Variants in FZR1 observed in about 807,000 individuals in gnomAD.
The protein encoded by FZR1 is fizzy-related protein homolog.
A neutral mutation model predicts 63.6 loss-of-function variants in FZR1; 11 were observed. That is an observed-to-expected ratio of 0.17 (90% CI 0.11 to 0.29). The LOEUF is 0.29. Among genes scored for constraint, FZR1 ranks in the 10% least tolerant of loss-of-function variants. The pLI is 1.00. For missense variants in FZR1, 440 were observed against 687.5 expected, an observed-to-expected ratio of 0.64 and a Z score of 4.03; for synonymous variants, 328 against 297.9, an observed-to-expected ratio of 1.10 and a Z score of -1.04.
At chr19:3,528,911 TGAGTGGATGGGA>T (rs987339926) in intron 7 of FZR1, among the ~76,000 whole-genome samples, 4 of 133,790 alleles carry the variant, frequency 3.0e-5, no homozygotes, top group African/African-American at 8.6e-5. Flanking sequence ...AGTGGATGTT[TGAGTGGATGGGA>T]GAGTGTATGG....
In FZR1 at chr19:3,523,032, A is replaced by G. The variant is rs945817176; in HGVS notation, c.43A>G (p.Ile15Val). The change falls in exon 2 of 14, where the codon ATC becomes GTC. Residue 15 changes from isoleucine (I) to valine (V), a missense_variant. Coordinates refer to ENST00000441788, the MANE Select transcript of FZR1 (RefSeq NM_016263.4). ...YERRLLRQIV[I>V]QNENTMPRVT... ...GCGGCGCCTGCTTCGCCAGATCGTCATCCAGAATGAGAACACGATGCCACG... is the reference window on the plus strand; with the variant it reads ...GCGGCGCCTGCTTCGCCAGATCGTCGTCCAGAATGAGAACACGATGCCACG... 1.9e-6 allele frequency: 3 copies of G among 1,610,404 alleles called. No homozygotes were observed. Among genetic ancestry groups the G allele is most frequent in the Non-Finnish European group, 2.5e-6 (3 of 1,177,926 alleles).
In FZR1 at chr19:3,533,558, T is replaced by C; in HGVS notation, c.1347+160T>C. 1 of 603,234 alleles carries C rather than the reference T, an allele frequency of 1.7e-6. No homozygotes were observed. The highest frequency in any genetic ancestry group is 3.0e-6 in the Non-Finnish European group (1 of 334,070). The allele number at this position is 603,234 out of a possible 1,614,324, so 37.4% of individuals were successfully genotyped here. On this transcript the variant is annotated intron_variant, in intron 12 of 13. Transcript: ENST00000441788. The surrounding 1 kb of genome is among the most constrained non-coding windows in gnomAD (Gnocchi z 4.9). ...GGCCGGCAGGGCATCTGGTGCTGGT[T>C]GTGTTGCCAGCGTTGGAATGGGCTC...
At position 3,530,374 on chromosome 19, in the gene FZR1, G is replaced by GGATGGGTGAGCA. The variant is rs1316751753; in HGVS notation, c.655-406_655-395dup. ...CAGAAGGGAGAGCGGATGGGAGAGCGGATGGGTGAGCAGATGGGTGAGCGG... is the reference window on the plus strand; with the variant it reads ...CAGAAGGGAGAGCGGATGGGAGAGCGGATGGGTGAGCAGATGGGTGAGCAGATGGGTGAGCGG... On this transcript the variant is annotated intron_variant, in intron 7 of 13. Coordinates refer to ENST00000441788, the MANE Select transcript of FZR1 (RefSeq NM_016263.4). Among the ~76,000 whole-genome samples the GGATGGGTGAGCA allele has an allele frequency of 1.0e-4, 13 of 128,510 alleles. 1 individual carries two copies. In the South Asian group the frequency reaches 3.4e-3, roughly 34 times the overall value. The allele number at this position is 128,510 out of a possible 152,430, so 84.3% of individuals were successfully genotyped here. A position where few individuals can be genotyped will look rare whatever the true frequency, so the allele number is the denominator to read the frequency against.
In FZR1 at chr19:3,525,608, G is replaced by A. The variant is rs1444612011; in HGVS notation, c.70-260G>A. ...CAGGCGCCTGCCACCACGCCCGGCTGATTTTTTGTATTTTTAGTAGAGACG... is the reference window on the plus strand; with the variant it reads ...CAGGCGCCTGCCACCACGCCCGGCTAATTTTTTGTATTTTTAGTAGAGACG... On this transcript the variant is annotated intron_variant, in intron 2 of 13. Transcript: ENST00000441788. The surrounding 1 kb of genome is among the most constrained non-coding windows in gnomAD (Gnocchi z 4.2). Among the ~76,000 whole-genome samples, 5 of 151,902 alleles carry A rather than the reference G, an allele frequency of 3.3e-5. No individual in the cohort carries two copies. The highest frequency in any genetic ancestry group is 1.9e-4 in the East Asian group (1 of 5,152).
Position 3,522,979 on chromosome 19 carries a change from C to T in FZR1, c.-11C>T. 1 of 1,606,546 alleles carries T rather than the reference C, an allele frequency of 6.2e-7. No homozygotes were observed. Among genetic ancestry groups the T allele is most frequent in the Non-Finnish European group, 8.5e-7 (1 of 1,174,192 alleles). On this transcript the variant is annotated 5_prime_UTR_variant, in exon 2 of 14. Coordinates refer to ENST00000441788, the MANE Select transcript of FZR1 (RefSeq NM_016263.4). Reference sequence around the variant, plus strand: ...AGGCTAACCTTGCCGCGGGCCGAGCCCTGCCTCGCCATGGACCAGGACTAT... The same window carrying T: ...AGGCTAACCTTGCCGCGGGCCGAGCTCTGCCTCGCCATGGACCAGGACTAT...
At chr19:3,521,094 C>T (rs1341659594) in intron 1 of FZR1, among the ~76,000 whole-genome samples, 3 of 152,178 alleles carry the variant, frequency 2.0e-5, no homozygotes, top group Non-Finnish European at 2.9e-5. Context: ...CGCGCTGGTT[C>T]GTCCCTCACC....
Position 3,531,787 on chromosome 19 carries a change from C to G in FZR1, c.794C>G (p.Ser265Cys). 6.5e-7 allele frequency: 1 copy of G among 1,550,352 alleles called. No homozygotes were observed. Among genetic ancestry groups the G allele is most frequent in the Non-Finnish European group, 8.7e-7 (1 of 1,146,738 alleles). ...IWDAAAGKKLSMLEGHTARVG... is the reference protein window; with the variant it reads ...IWDAAAGKKLCMLEGHTARVG... ...GACGCAGCCGCAGGGAAGAAGCTGT[C>G]CATGTTGGAGGGCCACACGGCACGC... is the stretch of plus-strand genomic sequence containing the variant. The change falls in exon 9 of 14, where the codon TCC becomes TGC. Residue 265 changes from serine (S) to cysteine (C), a missense_variant. Coordinates refer to ENST00000441788, the MANE Select transcript of FZR1 (RefSeq NM_016263.4).
chr19:3,521,444 G>C (rs1053173585), intron 1 of FZR1: 5 of 152,130 alleles, frequency 3.3e-5, no homozygotes, highest in African/African-American at 9.7e-5. Context: ...GAAAGTTCTA[G>C]AGATGACCGT....
chr19:3,530,984 G>C (rs2083241187), intron 8 of FZR1, 127 bp downstream of exon 8: 3 of 650,356 alleles, frequency 4.6e-6, no homozygotes, highest in Admixed American at 2.6e-5. Context: ...ATAGGTCTGT[G>C]TCCCCCACTG....
At chr19:3,528,185 G>A (rs1376500696) in intron 7 of FZR1, among the ~76,000 whole-genome samples, 5 of 152,180 alleles carry the variant, frequency 3.3e-5, no homozygotes, top group Non-Finnish European at 2.9e-5. Flanking sequence ...CTGAGCCCAG[G>A]GGCCACTATG....
chr19:3,528,933 G>GGAGTGGATGGGAGAGCGGATGGGT (rs1182649244), intron 7 of FZR1, among the ~76,000 whole-genome samples: 2 of 143,972 alleles, frequency 1.4e-5, no homozygotes, highest in African/African-American at 5.1e-5. Flanking sequence ...AGAGTGTATG[G>GGAGTGGATGGGAGAGCGGATGGGT]GAGTGGATGG....
rs750762 is a variant in FZR1, at chr19:3,533,057, G to A, written c.1243-237G>A. On this transcript the variant is annotated intron_variant, in intron 11 of 13. Transcript: ENST00000441788. The surrounding 1 kb of genome is among the most constrained non-coding windows in gnomAD (Gnocchi z 4.9). ...GTGGGGCAGAGGGGCTGTGGGCCCC[G>A]TTTGGGTCCTTGTTGGGCTCCAGCC... Among the ~76,000 whole-genome samples, 27,417 of 152,114 alleles carry A rather than the reference G, an allele frequency of 0.18. 2,716 individuals carry two copies. Among genetic ancestry groups the A allele is most frequent in the Middle Eastern group, 0.24 (72 of 294 alleles).
chr19:3,532,753 C>T (rs1050931401), intron 11 of FZR1, 103 bp downstream of exon 11: 26 of 818,374 alleles, frequency 3.2e-5, no homozygotes, highest in African/African-American at 6.8e-5. Flanking sequence ...GGGTCAGAGT[C>T]GCTCTGAAGG....
Position 3,514,569 on chromosome 19 carries a change from C to T in FZR1, c.-35+8095C>T, listed in dbSNP as rs2083045296. ...TAAGACCCCCTGGGTTATGGGATTC[C>T]ATGGACCCCCAAGAGACTCTGCGTC... On this transcript the variant is annotated intron_variant, in intron 1 of 13. Coordinates refer to ENST00000441788, the MANE Select transcript of FZR1 (RefSeq NM_016263.4). The surrounding 1 kb of genome is among the most constrained non-coding windows in gnomAD (Gnocchi z 4.2). 6.6e-6 allele frequency among the ~76,000 whole-genome samples: 1 copy of T among 152,136 alleles called. No homozygotes were observed. The highest frequency in any genetic ancestry group is 2.4e-5 in the African/African-American group (1 of 41,428).
rs948552554 is a variant in FZR1 at position 3,515,642 on chromosome 19, C to G, written c.-34-7314C>G. Among the ~76,000 whole-genome samples the G allele has an allele frequency of 4.3e-4, 66 of 151,936 alleles. No homozygotes were observed. Among genetic ancestry groups the G allele is most frequent in the Non-Finnish European group, 2.1e-4 (14 of 67,968 alleles). On this transcript the variant is annotated intron_variant, in intron 1 of 13. Coordinates refer to ENST00000441788, the MANE Select transcript of FZR1 (RefSeq NM_016263.4). The surrounding 1 kb of genome is among the most constrained non-coding windows in gnomAD (Gnocchi z 4.6). ...AATTAGGCACTACAGTGGCGGGCCC[C>G]TGTAGTCCCAGCTACTCGGGAGGCT...
At chr19:3,532,366 A>C (rs1215677354) in intron 10 of FZR1, 51 bp from the exon 11 acceptor site, 1 of 1,436,162 alleles carries the variant, frequency 7.0e-7, no homozygotes, top group East Asian at 2.4e-5. Context: ...GGACCGGCCT[A>C]TGGGACCACA....
Position 3,532,286 on chromosome 19 carries a change from C to T in FZR1, c.1009-131C>T, listed in dbSNP as rs529585979. The stretch of plus-strand genomic sequence containing the variant: ...GGCACAGGGTGACGAGTGTGTGCCC[C>T]CAGGGGTCCTTGAGGGAGCAGCAGG... On this transcript the variant is annotated intron_variant, in intron 10 of 13. Transcript: ENST00000441788. 2.8e-5 allele frequency: 24 copies of T among 856,758 alleles called. 1 individual carries two copies. In the South Asian group the frequency reaches 3.9e-4, roughly 14 times the overall value. 53.1% of individuals were successfully genotyped at this position (856,758 alleles called of 1,614,324 possible).
intron 1 of FZR1, among the ~76,000 whole-genome samples, chr19:3,521,776 A>G (rs1406426726): frequency 3.9e-5 from 6 of 152,080 alleles, no homozygotes; most frequent in Non-Finnish European, 7.4e-5. Context: ...TTGGGATTAC[A>G]GGCGTGAGCC....
rs751978825 is a variant in FZR1 at position 3,526,598 on chromosome 19, G to A, written c.387+212G>A. Among the ~76,000 whole-genome samples the A allele has an allele frequency of 5.9e-5, 9 of 152,206 alleles. No homozygotes were observed. The highest frequency in any genetic ancestry group is 8.8e-5 in the Non-Finnish European group (6 of 68,034). The stretch of plus-strand genomic sequence containing the variant: ...CAGGTAAACTGGGATGTGGGGGTGC[G>A]GGAGGAATCCAGGCTCAGCCTGTTG... On this transcript the variant is annotated intron_variant, in intron 5 of 13. Transcript: ENST00000441788. This position sits in a 1 kb window ranked among gnomAD's most constrained non-coding sequence, Gnocchi z 5.4.
Sources: allele counts gnomAD v4.1 joint callset (sites outside exome capture counted in the v4.1 genomes callset), GRCh38; gene constraint gnomAD v4.1.1; non-coding constraint Gnocchi (gnomAD v3.1); transcripts MANE v1.5; gene names NCBI Gene and HGNC (gene_info 2026-07-23, HGNC 2026-07-21).